The following KCNMB2 variants were observed in gnomAD, a reference collection of about 807,000 sequenced individuals.
KCNMB2 encodes calcium-activated potassium channel subunit beta-2.
A neutral mutation model predicts 24.5 loss-of-function variants in KCNMB2; 9 were observed. The ratio of observed to expected loss-of-function variants is 0.37; its 90% confidence interval spans 0.22 to 0.64. The LOEUF is 0.64. KCNMB2 is among the 30% of genes least tolerant of loss of function. KCNMB2 has a pLI of 0.63. For missense variants in KCNMB2, 226 were observed against 284.3 expected, an observed-to-expected ratio of 0.79 and a Z score of 1.47; for synonymous variants, 109 against 104.4, an observed-to-expected ratio of 1.04 and a Z score of -0.27.
chr3:178,553,389 T>C (rs1716021189), intron 1 of KCNMB2, among the ~76,000 whole-genome samples: 1 of 152,118 alleles, frequency 6.6e-6, no homozygotes, highest in South Asian at 2.1e-4. Flanking sequence ...CTTTTAACAA[T>C]GCCCACTGAA....
intron 1 of KCNMB2, among the ~76,000 whole-genome samples, chr3:178,624,365 T>G (rs1279850367): frequency 6.6e-6 from 1 of 152,086 alleles, no homozygotes; most frequent in African/African-American, 2.4e-5. Context: ...ATTTGTTTTT[T>G]GTAGCTGCAA....
chr3:178,561,942 A>G (rs1264381184), intron 1 of KCNMB2, among the ~76,000 whole-genome samples: 1 of 152,252 alleles, frequency 6.6e-6, no homozygotes, highest in East Asian at 1.9e-4. Flanking sequence ...CTCAATTTTA[A>G]TTGGGCTTAT....
intron 1 of KCNMB2, among the ~76,000 whole-genome samples, chr3:178,754,367 T>C (rs965479933): frequency 6.6e-6 from 1 of 151,990 alleles, no homozygotes; most frequent in Non-Finnish European, 1.5e-5. Flanking sequence ...CTTCAAGAAC[T>C]TGGTTATTTA....
chr3:178,627,404 T>G (rs1002960173), intron 1 of KCNMB2, among the ~76,000 whole-genome samples: 1 of 152,160 alleles, frequency 6.6e-6, no homozygotes, highest in Non-Finnish European at 1.5e-5. Flanking sequence ...GGAGAACAGT[T>G]TTATGTACAG....
At chr3:178,582,305 T>C (rs1435968794) in intron 1 of KCNMB2, among the ~76,000 whole-genome samples, 1 of 152,098 alleles carries the variant, frequency 6.6e-6, no homozygotes, top group Non-Finnish European at 1.5e-5. Context: ...ATGTGGGAGC[T>C]GAATAATGAG....
chr3:178,576,753 A>T (rs942959989), intron 1 of KCNMB2, among the ~76,000 whole-genome samples: 1 of 152,156 alleles, frequency 6.6e-6, no homozygotes, highest in African/African-American at 2.4e-5. Flanking sequence ...AGAGCCCACC[A>T]CACCTTGGCA....
intron 1 of KCNMB2, among the ~76,000 whole-genome samples, chr3:178,784,384 T>A (rs1223100270): frequency 6.6e-6 from 1 of 152,180 alleles, no homozygotes; most frequent in Non-Finnish European, 1.5e-5. Flanking sequence ...TCTGCCTTTT[T>A]GATCCATGCT....
chr3:178,679,817 G>A (rs2108592882), intron 1 of KCNMB2, among the ~76,000 whole-genome samples: 1 of 152,204 alleles, frequency 6.6e-6, no homozygotes, highest in South Asian at 2.1e-4. Flanking sequence ...GTGCAATAAA[G>A]CCTCACCATT....
At chr3:178,677,262 C>T (rs1205436289) in intron 1 of KCNMB2, among the ~76,000 whole-genome samples, 1 of 152,182 alleles carries the variant, frequency 6.6e-6, no homozygotes, top group Non-Finnish European at 1.5e-5. Flanking sequence ...TTCCTCCTAA[C>T]CTCTACATAT....
chr3:178,822,258 T>G (rs1015615093), intron 2 of KCNMB2, among the ~76,000 whole-genome samples: 1 of 152,218 alleles, frequency 6.6e-6, no homozygotes, highest in Non-Finnish European at 1.5e-5. Context: ...CTTTGACTCT[T>G]TGTCTCATTT....
chr3:178,555,899 T>C (rs1278989514), intron 1 of KCNMB2, among the ~76,000 whole-genome samples: 7 of 152,052 alleles, frequency 4.6e-5, no homozygotes, highest in Admixed American at 2.6e-4. Context: ...TGATCAGGAG[T>C]TGGGGATGCC....
intron 1 of KCNMB2, among the ~76,000 whole-genome samples, chr3:178,572,913 T>TA (rs1716855137): frequency 6.6e-6 from 1 of 152,254 alleles, no homozygotes; most frequent in African/African-American, 2.4e-5. Context: ...GGACACGTTT[T>TA]AAGTAGGTTT....
chr3:178,581,249 A>C (rs1019794702), intron 1 of KCNMB2, among the ~76,000 whole-genome samples: 3 of 152,250 alleles, frequency 2.0e-5, no homozygotes, highest in African/African-American at 7.2e-5. Flanking sequence ...CAGACGTGAC[A>C]AAAACAAGCT....
chr3:178,839,197 A>C (rs1047425494), intron 4 of KCNMB2, among the ~76,000 whole-genome samples: 5 of 150,904 alleles, frequency 3.3e-5, no homozygotes, highest in East Asian at 1.9e-4. Flanking sequence ...AAAAAAAAAA[A>C]CCCTCATTAT....
intron 1 of KCNMB2, among the ~76,000 whole-genome samples, chr3:178,747,982 T>C (rs1048968027): frequency 9.9e-5 from 15 of 152,240 alleles, no homozygotes; most frequent in Admixed American, 6.5e-4. Flanking sequence ...ATTTCTAATG[T>C]GCCCATTCTG....
chr3:178,660,040 G>A lies in KCNMB2; in HGVS notation c.-68+123329G>A, dbSNP rs568714605. On this transcript the variant is annotated intron_variant, in intron 1 of 4. Coordinates refer to ENST00000452583, the MANE Select transcript of KCNMB2 (RefSeq NM_181361.3). The stretch of plus-strand genomic sequence containing the variant: ...CTGAGTGCTAGTCTCTATATCAAGC[G>A]TCAGCCATTCCTTCTATCCTGCAGC... Among the ~76,000 whole-genome samples, 180 of 152,160 alleles carry A rather than the reference G, an allele frequency of 1.2e-3. 1 individual carries two copies. Among genetic ancestry groups the A allele is most frequent in the Non-Finnish European group, 2.2e-3 (152 of 68,002 alleles).
chr3:178,545,915 G>A (rs1715757758), intron 1 of KCNMB2, among the ~76,000 whole-genome samples: 1 of 152,130 alleles, frequency 6.6e-6, no homozygotes, highest in Admixed American at 6.6e-5. Context: ...TCTCTGTGAA[G>A]ATGATCATTC....
chr3:178,620,055 T>C (rs565885949), intron 1 of KCNMB2, among the ~76,000 whole-genome samples: 2 of 152,314 alleles, frequency 1.3e-5, no homozygotes, highest in African/African-American at 2.4e-5. Context: ...TGGTGGAAGA[T>C]AGGCATTCTT....
chr3:178,647,519 TA>T (rs1490162360), intron 1 of KCNMB2, among the ~76,000 whole-genome samples: 1 of 152,182 alleles, frequency 6.6e-6, no homozygotes, highest in Admixed American at 6.5e-5. Context: ...CTTATAAGCT[TA>T]AAAAAGTTAT....
Sources: allele counts gnomAD v4.1 joint callset (sites outside exome capture counted in the v4.1 genomes callset), GRCh38; gene constraint gnomAD v4.1.1; transcripts MANE v1.5; gene names NCBI Gene and HGNC (gene_info 2026-07-23, HGNC 2026-07-21).